The following MCM10 variants were observed in gnomAD, a reference collection of about 807,000 sequenced individuals.
MCM10 encodes the protein minichromosome maintenance 10 replication initiation factor.
In MCM10, 91 loss-of-function variants were observed where a neutral mutation model predicts 109.9. The ratio of observed to expected loss-of-function variants is 0.83; its 90% CI spans 0.70 to 0.99. The LOEUF (loss-of-function observed/expected upper bound fraction) is 0.99. Among genes scored for constraint, MCM10 ranks in the 50% least tolerant of loss-of-function variants. MCM10 has a pLI of 0.00. For synonymous variants in MCM10, 380 were observed against 387.2 expected (o/e 0.98, Z 0.22); for missense variants, 1,077 against 1,061.2 (o/e 1.01, Z -0.21).
chr10:13,171,810 G>A (rs551390123), intron 3 of MCM10, among the ~76,000 whole-genome samples: 25 of 151,726 alleles, frequency 1.6e-4, no homozygotes, highest in Middle Eastern at 3.4e-3. Context: ...TGTCACCCAG[G>A]CTGGAGTACA....
chr10:13,168,376 T>C (rs946242305), intron 2 of MCM10, among the ~76,000 whole-genome samples: 1 of 152,202 alleles, frequency 6.6e-6, no homozygotes, highest in Non-Finnish European at 1.5e-5. Context: ...TTTTTCCTTC[T>C]GGTAAGGGAG....
At chr10:13,166,918 C>T (rs954692558) in intron 2 of MCM10, among the ~76,000 whole-genome samples, 8 of 151,882 alleles carry the variant, frequency 5.3e-5, no homozygotes, top group African/African-American at 1.2e-4. Flanking sequence ...GCAGGAGCAT[C>T]GCTTGAGGCC....
rs1564385907 is a variant in MCM10 at position 13,183,047 on chromosome 10, G to A, written c.1045G>A (p.Val349Ile). The change falls in exon 8 of 20, where the codon GTC becomes ATC. Residue 349 changes from valine (V) to isoleucine (I), a missense_variant. Physicochemically the swap from Val to Ile is conservative, Grantham distance 29. Coordinates refer to ENST00000378714, the MANE Select transcript of MCM10 (RefSeq NM_018518.5). ...KALWKTEQGT[V>I]VGILNANPMK... ...GCTCTGGAAGACGGAGCAGGGGACT[G>A]TCGTAGGGATCCTCAATGCCAACCC... 2.5e-6 allele frequency: 4 copies of A among 1,614,206 alleles called. No homozygotes were observed. The highest frequency in any genetic ancestry group is 3.4e-6 in the Non-Finnish European group (4 of 1,180,024).
Position 13,210,728 on chromosome 10 carries a change from A to T in MCM10, c.*1418A>T, listed in dbSNP as rs1834650594. 1.3e-5 allele frequency: 2 copies of T among 152,210 alleles called. No individual in the cohort carries two copies. The highest frequency in any genetic ancestry group is 6.5e-5 in the Admixed American group (1 of 15,278). 9.4% of individuals were successfully genotyped at this position (152,210 alleles called of 1,614,324 possible). On this transcript the variant is annotated 3_prime_UTR_variant, in exon 20 of 20. Transcript: ENST00000378714. ...TCTTTTAGGAGTATACTTCTACTTT[A>T]TAGAAGGTTGCTTTTCTTTTTAATT...
intron 1 of MCM10, among the ~76,000 whole-genome samples, chr10:13,162,663 G>T (rs1256874754): frequency 6.6e-6 from 1 of 152,160 alleles, no homozygotes; most frequent in Non-Finnish European, 1.5e-5. Flanking sequence ...GGCAAGGCCG[G>T]TTACAGACTT....
intron 15 of MCM10, 148 bp downstream of exon 15, chr10:13,197,915 TGA>T: frequency 1.4e-6 from 1 of 693,782 alleles, no homozygotes; most frequent in Non-Finnish European, 2.0e-6. Flanking sequence ...TGGGTGGAAC[TGA>T]TTTTTTTTTT....
intron 18 of MCM10, among the ~76,000 whole-genome samples, chr10:13,208,688 G>C (rs533583886): frequency 3.3e-5 from 5 of 151,886 alleles, no homozygotes; most frequent in African/African-American, 7.2e-5. Context: ...CAACCTTTTT[G>C]CTCCAAAAAA....
In MCM10 at chr10:13,186,203, A is replaced by G; in HGVS notation, c.1138A>G (p.Met380Val). The G allele has an allele frequency of 1.2e-6, 2 of 1,613,010 alleles. No individual in the cohort carries two copies. Among genetic ancestry groups the G allele is most frequent in the Non-Finnish European group, 1.7e-6 (2 of 1,179,218 alleles). Residue 380 changes from methionine (M) to valine (V), a missense_variant, in exon 9 of 20, where the codon ATG (methionine) becomes GTG (valine). Coordinates refer to ENST00000378714, the MANE Select transcript of MCM10 (RefSeq NM_018518.5). ...CGATCATCCTCAGAAGGTCTTAATT[A>G]TGGGTGAAGCTCTTGACCTGGGAAC... ...SIDHPQKVLI[M>V]GEALDLGTCK... is the part of the protein sequence containing the mutation.
In MCM10 at chr10:13,198,219, T is replaced by C. The variant is rs1045971006; in HGVS notation, c.2119+452T>C. On this transcript the variant is annotated intron_variant, in intron 15 of 19. Coordinates refer to ENST00000378714, the MANE Select transcript of MCM10 (RefSeq NM_018518.5). ...GAGCTGGAACTGATTTTTTTATAAT[T>C]ACATTAAATTGGAATGAAATTGGGC... Among the ~76,000 whole-genome samples, 7 of 152,232 alleles carry C rather than the reference T, an allele frequency of 4.6e-5. 1 individual carries two copies. Among genetic ancestry groups the C allele is most frequent in the African/African-American group, 1.7e-4 (7 of 41,530 alleles).
intron 1 of MCM10, among the ~76,000 whole-genome samples, chr10:13,162,601 GT>G (rs1833941702): frequency 6.6e-6 from 1 of 152,164 alleles, no homozygotes; most frequent in Non-Finnish European, 1.5e-5. Context: ...GTACTTGTCA[GT>G]GGCCGTGGAT....
chr10:13,186,106 G>C, intron 8 of MCM10, 58 bp from the exon 9 acceptor site: 1 of 929,296 alleles, frequency 1.1e-6, no homozygotes, highest in East Asian at 2.5e-5. Flanking sequence ...TTCTATTCCT[G>C]CTAATAAAAG....
intron 14 of MCM10, among the ~76,000 whole-genome samples, chr10:13,196,581 C>T (rs1258357483): frequency 6.6e-6 from 1 of 152,046 alleles, no homozygotes; most frequent in Non-Finnish European, 1.5e-5. Flanking sequence ...AGTCCGATCT[C>T]GCCTCACTGC....
chr10:13,204,068 G>A, intron 17 of MCM10, 151 bp from the exon 18 acceptor site: 1 of 760,628 alleles, frequency 1.3e-6, no homozygotes, highest in Non-Finnish European at 2.1e-6. Context: ...GGTCACTGTA[G>A]CAAGAGGCGA....
intron 1 of MCM10, among the ~76,000 whole-genome samples, chr10:13,162,283 A>AAG (rs145239033): frequency 6.6e-6 from 1 of 152,138 alleles, no homozygotes; most frequent in South Asian, 2.1e-4. Context: ...AAAGCTTGGA[A>AAG]AGAGAGAGAG....
chr10:13,204,139 C>A, intron 17 of MCM10, 80 bp from the exon 18 acceptor site: 1 of 1,525,512 alleles, frequency 6.6e-7, no homozygotes, highest in Non-Finnish European at 8.9e-7. Flanking sequence ...GGTCATGGAG[C>A]AGATTGCCCT....
intron 10 of MCM10, among the ~76,000 whole-genome samples, chr10:13,189,955 T>C (rs1834325849): frequency 6.6e-6 from 1 of 152,126 alleles, no homozygotes; most frequent in African/African-American, 2.4e-5. Flanking sequence ...ATATTAATGA[T>C]AGCCTATAAG....
chr10:13,200,816 T>C (rs756122742), intron 16 of MCM10, among the ~76,000 whole-genome samples: 15 of 152,238 alleles, frequency 9.9e-5, no homozygotes, highest in Non-Finnish European at 1.5e-5. Context: ...GATACTGTCA[T>C]GTTAGGAGTG....
In MCM10 at chr10:13,172,700, A is replaced by T. The variant is rs763892001; in HGVS notation, c.527A>T (p.Glu176Val). 4 of 1,614,074 alleles carry T rather than the reference A, an allele frequency of 2.5e-6. No individual in the cohort carries two copies. The highest frequency in any genetic ancestry group is 3.4e-6 in the Non-Finnish European group (4 of 1,180,004). ...RIQESTCFSA[E>V]LDVPALPRTK... is the part of the protein sequence containing the mutation. ...CAGGAGTCAACATGCTTTTCTGCGG[A>T]GCTTGATGTCCCTGCGCTACCAAGA... The change falls in exon 5 of 20, where the codon GAG becomes GTG. Residue 176 changes from glutamate (E) to valine (V), a missense_variant. Glu to Val is a moderately radical substitution (Grantham distance 121). Transcript: ENST00000378714. The surrounding 1 kb of genome is among the most constrained non-coding windows in gnomAD (Gnocchi z 5.2).
At chr10:13,192,675 G>T in intron 13 of MCM10, 107 bp downstream of exon 13, 2 of 971,264 alleles carry the variant, frequency 2.1e-6, no homozygotes, top group African/African-American at 1.6e-5. Context: ...GGTTGGCTGC[G>T]TTTTAACTCT....
Sources: allele counts gnomAD v4.1 joint callset (sites outside exome capture counted in the v4.1 genomes callset), GRCh38; gene constraint gnomAD v4.1.1; non-coding constraint Gnocchi (gnomAD v3.1); transcripts MANE v1.5; gene names NCBI Gene and HGNC (gene_info 2026-07-23, HGNC 2026-07-21).